FBXW7: variants seen among roughly 807,000 people sequenced by gnomAD.
FBXW7 encodes F-box and WD repeat domain containing 7.
In FBXW7, 11 loss-of-function variants were observed where a neutral mutation model predicts 86.3. The ratio of observed to expected loss-of-function variants is 0.13; its 90% CI spans 0.08 to 0.21. FBXW7 has a LOEUF of 0.21. FBXW7 is among the 10% of genes least tolerant of loss of function. The pLI, the probability that FBXW7 is intolerant of heterozygous loss-of-function variation, is 1.00. For missense variants in FBXW7, 488 were observed against 847.4 expected (o/e 0.58, Z 5.27); for synonymous variants, 313 against 297.9 (o/e 1.05, Z -0.52).
intron 2 of FBXW7, among the ~76,000 whole-genome samples, chr4:152,459,982 C>T (rs537003404): frequency 6.6e-6 from 1 of 152,128 alleles, no homozygotes; most frequent in East Asian, 1.9e-4. Context: ...GCCAGAGACT[C>T]GGGGAAGGGA....
At position 152,419,630 on chromosome 4, in the gene FBXW7, C is replaced by T. The variant is rs544303684; in HGVS notation, c.-119-7101G>A. On this transcript the variant is annotated intron_variant, in intron 2 of 13. Transcript: ENST00000281708. ...TCCTTTGTGAGTTGAAGAAACCACA[C>T]ACACAGAGGAGGAGGTTAATGATTT... 2.0e-5 allele frequency among the ~76,000 whole-genome samples: 3 copies of T among 152,080 alleles called. No homozygotes were observed. The East Asian group carries it at 5.8e-4, about 29-fold the overall frequency.
intron 2 of FBXW7, among the ~76,000 whole-genome samples, chr4:152,452,804 C>T (rs760305919): frequency 3.9e-5 from 6 of 152,068 alleles, no homozygotes; most frequent in African/African-American, 7.2e-5. Context: ...ACCTCAAGAA[C>T]GGATTGCCTT....
At chr4:152,478,506 G>A (rs773860661) in intron 2 of FBXW7, among the ~76,000 whole-genome samples, 20 of 152,058 alleles carry the variant, frequency 1.3e-4, no homozygotes, top group Non-Finnish European at 2.2e-4. Flanking sequence ...TTTAGTATGA[G>A]TAATGCTGCT....
chr4:152,389,510 A>G (rs981526123), intron 4 of FBXW7, among the ~76,000 whole-genome samples: 4 of 152,240 alleles, frequency 2.6e-5, no homozygotes, highest in Admixed American at 2.6e-4. Context: ...ACACAGAAAC[A>G]GAAAGTCAAA....
intron 2 of FBXW7, among the ~76,000 whole-genome samples, chr4:152,488,995 GTA>G (rs1429132115): frequency 1.3e-5 from 2 of 151,958 alleles, no homozygotes; most frequent in Non-Finnish European, 2.9e-5. Flanking sequence ...AAATATAATA[GTA>G]TAAAGAATAT....
intron 4 of FBXW7, among the ~76,000 whole-genome samples, chr4:152,363,500 GATA>G (rs1434109660): frequency 6.6e-6 from 1 of 152,128 alleles, no homozygotes; most frequent in Non-Finnish European, 1.5e-5. Context: ...AAGAGGAAGA[GATA>G]ATATTTTCAA....
chr4:152,343,588 G>GTATGTATTTGTA (rs766057470), intron 6 of FBXW7, among the ~76,000 whole-genome samples: 8 of 152,068 alleles, frequency 5.3e-5, no homozygotes, highest in Non-Finnish European at 1.2e-4. Flanking sequence ...TATGTCATTT[G>GTATGTATTTGTA]TGCTATTCTC....
At chr4:152,500,040 T>C (rs998558126) in intron 2 of FBXW7, among the ~76,000 whole-genome samples, 1 of 152,130 alleles carries the variant, frequency 6.6e-6, no homozygotes, top group African/African-American at 2.4e-5. Context: ...TCAATGAAAG[T>C]ATCTCCTCCA....
At chr4:152,472,472 T>C (rs1744046235) in intron 2 of FBXW7, among the ~76,000 whole-genome samples, 1 of 152,052 alleles carries the variant, frequency 6.6e-6, no homozygotes, top group Non-Finnish European at 1.5e-5. Flanking sequence ...AAATGAAAAA[T>C]GCTGTAAGCC....
At position 152,428,621 on chromosome 4, in the gene FBXW7, T is replaced by C. The variant is rs538266836; in HGVS notation, c.-119-16092A>G. On this transcript the variant is annotated intron_variant, in intron 2 of 13. Coordinates refer to ENST00000281708, the MANE Select transcript of FBXW7 (RefSeq NM_001349798.2). ...TGTTATATAGCATCTATATCATAGG[T>C]TTGCTGTAACAATGAAATCACAATT... Among the ~76,000 whole-genome samples the C allele has an allele frequency of 4.3e-4, 66 of 152,294 alleles. 2 individuals carry two copies. The highest frequency in any genetic ancestry group is 1.5e-5 in the Non-Finnish European group (1 of 68,036).
chr4:152,322,733 G>A lies in FBXW7; in HGVS notation c.*148C>T. ...TCTTCTTTTCCTTCTTAGTCTGTAG[G>A]TCTTTTCAATCTGTTGCCCCAAGCC... is the stretch of plus-strand genomic sequence containing the variant. On this transcript the variant is annotated 3_prime_UTR_variant, in exon 14 of 14. Transcript: ENST00000281708. 1 of 1,285,834 alleles carries A rather than the reference G, an allele frequency of 7.8e-7. No homozygotes were observed. Among genetic ancestry groups the A allele is most frequent in the Non-Finnish European group, 1.0e-6 (1 of 956,532 alleles). The allele number at this position is 1,285,834 out of a possible 1,614,324, so 79.7% of individuals were successfully genotyped here.
chr4:152,388,778 C>T (rs1560837680), intron 4 of FBXW7, among the ~76,000 whole-genome samples: 1 of 152,116 alleles, frequency 6.6e-6, no homozygotes, highest in Non-Finnish European at 1.5e-5. Flanking sequence ...TCTGACTTCT[C>T]TTCAGATGAT....
intron 2 of FBXW7, among the ~76,000 whole-genome samples, chr4:152,498,165 T>A (rs1476091201): frequency 3.3e-5 from 5 of 152,186 alleles, no homozygotes; most frequent in African/African-American, 4.8e-5. Flanking sequence ...GTCCTTTCTT[T>A]GTATCTTTGA....
At position 152,337,547 on chromosome 4, in the gene FBXW7, C is replaced by A. The variant is rs1730258114; in HGVS notation, c.861+255G>T. On this transcript the variant is annotated intron_variant, in intron 7 of 13. Coordinates refer to ENST00000281708, the MANE Select transcript of FBXW7 (RefSeq NM_001349798.2). ...AATAAATAATCAAATTAGTGAAACT[C>A]AATAGTTACTCTCACATATATGACT... 4 of 295,566 alleles carry A rather than the reference C, an allele frequency of 1.4e-5. No individual in the cohort carries two copies. In the East Asian group the frequency reaches 2.3e-4, roughly 17 times the overall value. 18.3% of individuals were successfully genotyped at this position (295,566 alleles called of 1,614,324 possible).
chr4:152,395,679 C>A (rs1050542646), intron 4 of FBXW7, among the ~76,000 whole-genome samples: 1 of 152,032 alleles, frequency 6.6e-6, no homozygotes, highest in African/African-American at 2.4e-5. Flanking sequence ...CTCCAAACAA[C>A]CCAATTCCCA....
chr4:152,468,295 C>T (rs1021574117), intron 2 of FBXW7, among the ~76,000 whole-genome samples: 1 of 151,672 alleles, frequency 6.6e-6, no homozygotes, highest in Admixed American at 6.6e-5. Flanking sequence ...TACTCAAAAA[C>T]GTATCTACAC....
rs1017814084 is a variant in FBXW7, at chr4:152,321,441, A to G, written c.*1440T>C. 1.3e-5 allele frequency: 3 copies of G among 232,938 alleles called. No individual in the cohort carries two copies. The highest frequency in any genetic ancestry group is 2.5e-5 in the Non-Finnish European group (3 of 117,656). 14.4% of individuals were successfully genotyped at this position (232,938 alleles called of 1,614,324 possible). A position where few individuals can be genotyped will look rare whatever the true frequency, so the allele number is the denominator to read the frequency against. On this transcript the variant is annotated 3_prime_UTR_variant, in exon 14 of 14. Coordinates refer to ENST00000281708, the MANE Select transcript of FBXW7 (RefSeq NM_001349798.2). ...ATCAGACTATAAATAAAACAAACAA[A>G]AAAATAAACAGAAGGAGGAAAAAAG...
Position 152,420,484 on chromosome 4 carries a change from T to C in FBXW7, c.-119-7955A>G, listed in dbSNP as rs558690116. Reference sequence around the variant, plus strand: ...AATGGTACTTAGAATGGTGAATCCTTCCCAGAAGGTTTTTGGTTTACTTTG... The same window carrying C: ...AATGGTACTTAGAATGGTGAATCCTCCCCAGAAGGTTTTTGGTTTACTTTG... On this transcript the variant is annotated intron_variant, in intron 2 of 13. Coordinates refer to ENST00000281708, the MANE Select transcript of FBXW7 (RefSeq NM_001349798.2). Among the ~76,000 whole-genome samples the C allele has an allele frequency of 3.9e-5, 6 of 152,280 alleles. No homozygotes were observed. The South Asian group carries it at 1.0e-3, about 26-fold the overall frequency.
chr4:152,356,048 T>A (rs1732351420), intron 4 of FBXW7, among the ~76,000 whole-genome samples: 1 of 152,180 alleles, frequency 6.6e-6, no homozygotes, highest in Non-Finnish European at 1.5e-5. Context: ...TTACATATAA[T>A]GTCAACATAA....
Sources: gnomAD v4.1 joint callset for allele counts (sites outside exome capture counted in the v4.1 genomes callset) on GRCh38, gnomAD v4.1.1 for gene constraint, MANE v1.5 for transcripts, NCBI Gene and HGNC (gene_info 2026-07-23, HGNC 2026-07-21) for gene names.